SNX3: variants seen among roughly 807,000 people sequenced by gnomAD.
SNX3 encodes sorting nexin-3.
SNX3 carries 5 observed loss-of-function variants against 17.7 expected under a neutral mutation model. The ratio of observed to expected loss-of-function variants is 0.28; its 90% CI spans 0.15 to 0.59. SNX3 has a LOEUF of 0.59. Ranked by LOEUF, SNX3 falls within the 20% of genes least tolerant of loss-of-function variation. The pLI, the probability that SNX3 is intolerant of heterozygous loss-of-function variation, is 0.88. For missense variants in SNX3, 132 were observed against 206.8 expected, an observed-to-expected ratio of 0.64 and a Z score of 2.22; for synonymous variants, 91 against 76.5, an observed-to-expected ratio of 1.19 and a Z score of -0.99.
chr6:108,235,724 C>T lies in SNX3; in HGVS notation c.163-12679G>A, dbSNP rs550333650. ...TAGCCTGCCCAATATGGTAAAACCT[C>T]GTCTCTACTAAAAATACAAAAATTA... On this transcript the variant is annotated intron_variant, in intron 1 of 3. Transcript: ENST00000230085. Among the ~76,000 whole-genome samples, 16 of 152,188 alleles carry T rather than the reference C, an allele frequency of 1.1e-4. 1 individual carries two copies. Among genetic ancestry groups the T allele is most frequent in the African/African-American group, 3.6e-4 (15 of 41,510 alleles).
At chr6:108,256,043 A>C (rs1322764055) in intron 1 of SNX3, among the ~76,000 whole-genome samples, 7 of 152,102 alleles carry the variant, frequency 4.6e-5, no homozygotes, top group Non-Finnish European at 8.8e-5. Context: ...CAGCCTGGGC[A>C]ACATAGTGAG....
At chr6:108,242,299 C>A (rs1775545292) in intron 1 of SNX3, among the ~76,000 whole-genome samples, 1 of 152,264 alleles carries the variant, frequency 6.6e-6, no homozygotes, top group Non-Finnish European at 1.5e-5. Flanking sequence ...TGACTAAACC[C>A]TTAATCTATA....
intron 2 of SNX3, among the ~76,000 whole-genome samples, chr6:108,221,177 G>T (rs191253331): frequency 6.6e-6 from 1 of 152,058 alleles, no homozygotes; most frequent in East Asian, 1.9e-4. Context: ...CTTCATGCAG[G>T]TCTCTGCTAA....
chr6:108,235,606 T>C (rs971947691), intron 1 of SNX3, among the ~76,000 whole-genome samples: 2 of 152,152 alleles, frequency 1.3e-5, no homozygotes, highest in African/African-American at 4.8e-5. Context: ...CAAAAGTACA[T>C]AGACTTGGGC....
Position 108,228,527 on chromosome 6 carries a change from C to A in SNX3, c.163-5482G>T, listed in dbSNP as rs1208686597. 2.0e-5 allele frequency among the ~76,000 whole-genome samples: 3 copies of A among 151,036 alleles called. No individual in the cohort carries two copies. The East Asian group carries it at 5.8e-4, about 29-fold the overall frequency. ...CGCCACTGCACTCCAGCCTGGGCAA[C>A]AAGAGCGAAACTCTGTTTAAAAAAA... On this transcript the variant is annotated intron_variant, in intron 1 of 3. Transcript: ENST00000230085.
intron 1 of SNX3, among the ~76,000 whole-genome samples, chr6:108,237,575 A>T (rs1775389523): frequency 1.3e-5 from 2 of 152,006 alleles, no homozygotes. Context: ...CGATCACCTA[A>T]AGTCAAGAGC....
chr6:108,236,159 A>C (rs925264719), intron 1 of SNX3, among the ~76,000 whole-genome samples: 3 of 151,968 alleles, frequency 2.0e-5, no homozygotes, highest in Non-Finnish European at 4.4e-5. Context: ...TCTACAATAA[A>C]TAACTTAATA....
rs532586586 is a variant in SNX3 at position 108,218,380 on chromosome 6, G to A, written c.259-3758C>T. On this transcript the variant is annotated intron_variant, in intron 2 of 3. Coordinates refer to ENST00000230085, the MANE Select transcript of SNX3 (RefSeq NM_003795.6). The stretch of plus-strand genomic sequence containing the variant: ...AGGATAGCTATAATAAAGAAGACAG[G>A]CAATTGGTAAGGATGTGGAGAAAAG... Among the ~76,000 whole-genome samples the A allele has an allele frequency of 2.6e-5, 4 of 152,248 alleles. No individual in the cohort carries two copies. The South Asian group carries it at 8.3e-4, about 32-fold the overall frequency.
chr6:108,231,424 C>T (rs554817783), intron 1 of SNX3, among the ~76,000 whole-genome samples: 12 of 152,158 alleles, frequency 7.9e-5, no homozygotes, highest in Admixed American at 2.0e-4. Flanking sequence ...CTAGAAGAGT[C>T]GCCCCCTGTC....
chr6:108,221,941 G>A (rs12216331), intron 2 of SNX3, among the ~76,000 whole-genome samples: 1 of 151,762 alleles, frequency 6.6e-6, no homozygotes, highest in Non-Finnish European at 1.5e-5. Flanking sequence ...AATTTTGGAA[G>A]AGATGGGGCC....
At chr6:108,221,413 G>C (rs1774766511) in intron 2 of SNX3, among the ~76,000 whole-genome samples, 1 of 150,828 alleles carries the variant, frequency 6.6e-6, no homozygotes, top group African/African-American at 2.4e-5. Flanking sequence ...TTTGTTCATA[G>C]CTCTACCTGT....
chr6:108,235,776 G>T (rs965690768), intron 1 of SNX3, among the ~76,000 whole-genome samples: 1 of 152,090 alleles, frequency 6.6e-6, no homozygotes, highest in Non-Finnish European at 1.5e-5. Flanking sequence ...CATGCCTGTA[G>T]TCCCAGCTAC....
intron 1 of SNX3, among the ~76,000 whole-genome samples, chr6:108,229,362 G>A (rs1277701590): frequency 2.6e-5 from 4 of 151,418 alleles, no homozygotes; most frequent in South Asian, 2.1e-4. Context: ...GATTTGGCCC[G>A]GATTCATTCA....
At chr6:108,215,332 G>A (rs1774535491) in intron 2 of SNX3, among the ~76,000 whole-genome samples, 1 of 148,804 alleles carries the variant, frequency 6.7e-6, no homozygotes, top group Admixed American at 6.7e-5. Flanking sequence ...CTGGGCTACA[G>A]AGTGAGACTC....
chr6:108,238,101 C>CAAAAAAAAAAAAAAAAA (rs11287104), intron 1 of SNX3, among the ~76,000 whole-genome samples: 1 of 85,434 alleles, frequency 1.2e-5, no homozygotes, highest in Non-Finnish European at 2.2e-5. Flanking sequence ...GATCCTGTCT[C>CAAAAAAAAAAAAAAAAA]AAAAAAAAAA....
At chr6:108,260,325 C>A (rs1230453423) in intron 1 of SNX3, among the ~76,000 whole-genome samples, 1 of 152,236 alleles carries the variant, frequency 6.6e-6, no homozygotes, top group East Asian at 1.9e-4. Context: ...GGGCCTGGAG[C>A]AGCCGGGTTG....
chr6:108,215,291 A>G (rs1020440576), intron 2 of SNX3, among the ~76,000 whole-genome samples: 1 of 151,050 alleles, frequency 6.6e-6, no homozygotes, highest in Non-Finnish European at 1.5e-5. Context: ...CAGAGCTTGC[A>G]GTGAGTGGAG....
intron 3 of SNX3, among the ~76,000 whole-genome samples, chr6:108,213,763 T>C (rs1045140936): frequency 2.0e-5 from 3 of 152,178 alleles, no homozygotes; most frequent in Non-Finnish European, 4.4e-5. Context: ...TATGTAACCC[T>C]TTCTCTCCTG....
chr6:108,222,292 C>A (rs1367918539), intron 2 of SNX3: 2 of 1,304,212 alleles, frequency 1.5e-6, no homozygotes, highest in African/African-American at 1.5e-5. Context: ...TCCATGACTC[C>A]TTGCCTCTGA....
Sources: gnomAD v4.1 joint callset for allele counts (sites outside exome capture counted in the v4.1 genomes callset) on GRCh38, gnomAD v4.1.1 for gene constraint, MANE v1.5 for transcripts, NCBI Gene and HGNC (gene_info 2026-07-23, HGNC 2026-07-21) for gene names.